Variants in CCDC7 observed in about 807,000 individuals in gnomAD.
The protein encoded by CCDC7 is coiled-coil domain-containing protein 7.
CCDC7 carries 183 observed loss-of-function variants against 196.9 expected under a neutral mutation model. The ratio of observed to expected loss-of-function variants is 0.93; its 90% confidence interval spans 0.82 to 1.05. CCDC7 has a LOEUF of 1.05. CCDC7 is among the 50% of genes least tolerant of loss of function. CCDC7 has a pLI of 0.00. For missense variants in CCDC7, 1,540 were observed against 1,482.2 expected (o/e 1.04, Z -0.64); for synonymous variants, 525 against 484.6 (o/e 1.08, Z -1.10).
At chr10:32,546,520 G>A (rs778079029) in intron 13 of CCDC7, among the ~76,000 whole-genome samples, 7 of 152,074 alleles carry the variant, frequency 4.6e-5, no homozygotes, top group Non-Finnish European at 1.0e-4. Flanking sequence ...TGAATGGCTC[G>A]AGTTAAGTGT....
intron 2 of CCDC7, 150 bp from the exon 4 acceptor site, chr10:32,456,101 C>A: frequency 1.5e-6 from 1 of 674,834 alleles, no homozygotes. Context: ...GCTAGTATGG[C>A]ATTTGAAGCA....
chr10:32,736,038 T>C (rs559920835), intron 28 of CCDC7, among the ~76,000 whole-genome samples: 11 of 152,338 alleles, frequency 7.2e-5, no homozygotes, highest in East Asian at 1.9e-4. Context: ...GTTTCATCAA[T>C]AGCATACTGT....
chr10:32,490,755 G>A (rs543161239), intron 8 of CCDC7, among the ~76,000 whole-genome samples: 233 of 151,858 alleles, frequency 1.5e-3, no homozygotes, highest in African/African-American at 5.3e-3. Flanking sequence ...CTGAGATCGC[G>A]CCACTGCACT....
At chr10:32,585,096 CAG>C (rs1047287830) in intron 18 of CCDC7, among the ~76,000 whole-genome samples, 7 of 147,896 alleles carry the variant, frequency 4.7e-5, no homozygotes, top group African/African-American at 1.2e-4. Flanking sequence ...TTTTTTGAGA[CAG>C]AGTCTTGCTC....
intron 13 of CCDC7, among the ~76,000 whole-genome samples, chr10:32,555,740 G>T (rs764034213): frequency 9.2e-5 from 14 of 152,136 alleles, no homozygotes; most frequent in Non-Finnish European, 1.3e-4. Flanking sequence ...CTACTGCTAG[G>T]TATACCAATT....
chr10:32,492,875 G>A (rs530389711), intron 9 of CCDC7, among the ~76,000 whole-genome samples: 1 of 152,106 alleles, frequency 6.6e-6, no homozygotes, highest in South Asian at 2.1e-4. Context: ...TAAAAGTTGC[G>A]ATGATACAAA....
At chr10:32,585,854 T>G (rs894171361) in intron 18 of CCDC7, among the ~76,000 whole-genome samples, 1 of 152,150 alleles carries the variant, frequency 6.6e-6, no homozygotes, top group Non-Finnish European at 1.5e-5. Flanking sequence ...TGTGTCTTTA[T>G]AGTAAAATGA....
At chr10:32,791,394 T>A (rs1312065805) in intron 29 of CCDC7, among the ~76,000 whole-genome samples, 1 of 151,804 alleles carries the variant, frequency 6.6e-6, no homozygotes, top group Non-Finnish European at 1.5e-5. Context: ...GAAACAGAAA[T>A]TTCCTGAAAA....
chr10:32,536,232 C>G (rs2050474016), intron 11 of CCDC7, among the ~76,000 whole-genome samples: 3 of 152,166 alleles, frequency 2.0e-5, no homozygotes, highest in Admixed American at 1.3e-4. Flanking sequence ...TTTCTCCCTT[C>G]CAGGAAGAAA....
At chr10:32,537,259 T>G (rs1465313476) in intron 11 of CCDC7, among the ~76,000 whole-genome samples, 1 of 152,222 alleles carries the variant, frequency 6.6e-6, no homozygotes, top group Non-Finnish European at 1.5e-5. Flanking sequence ...TTACTGATGT[T>G]GTGCATTTTT....
At chr10:32,748,445 C>A (rs910213509) in intron 28 of CCDC7, among the ~76,000 whole-genome samples, 1 of 152,186 alleles carries the variant, frequency 6.6e-6, no homozygotes, top group Non-Finnish European at 1.5e-5. Flanking sequence ...ATTCCAACAT[C>A]CCTGTTGTAT....
intron 18 of CCDC7, among the ~76,000 whole-genome samples, chr10:32,633,696 A>ATGTGTGTGTGTG (rs1554928040): frequency 2.2e-5 from 3 of 135,160 alleles, no homozygotes; most frequent in African/African-American, 8.4e-5. Flanking sequence ...ATATATATAT[A>ATGTGTGTGTGTG]TGTGTGTGTG....
At chr10:32,794,686 C>A (rs2083264278) in intron 29 of CCDC7, among the ~76,000 whole-genome samples, 1 of 152,036 alleles carries the variant, frequency 6.6e-6, no homozygotes, top group Admixed American at 6.6e-5. Context: ...TGATAATGAG[C>A]AATTTTTCAT....
At chr10:32,864,499 TAC>T (rs1456174104) in intron 41 of CCDC7, among the ~76,000 whole-genome samples, 2 of 151,316 alleles carry the variant, frequency 1.3e-5, no homozygotes, top group African/African-American at 2.4e-5. Flanking sequence ...TATATATATA[TAC>T]ACACACATAT....
Position 32,594,479 on chromosome 10 carries a change from A to G in CCDC7, c.1801+10175A>G, listed in dbSNP as rs897453991. ...GACGATGGGGTTTTCTAAATATACA[A>G]TCATGTCATCTGCAAACAGGGGCAA... On this transcript the variant is annotated intron_variant, in intron 18 of 41. Transcript: ENST00000639629. Among the ~76,000 whole-genome samples the G allele has an allele frequency of 4.6e-5, 7 of 152,210 alleles. No homozygotes were observed. In the East Asian group the frequency reaches 5.8e-4, roughly 13 times the overall value.
chr10:32,706,481 G>C, intron 24 of CCDC7, among the ~76,000 whole-genome samples: 1 of 152,102 alleles, frequency 6.6e-6, no homozygotes, highest in Non-Finnish European at 1.5e-5. Context: ...GAGCAGAATT[G>C]AAGGAGATAG....
At chr10:32,858,895 C>T (rs1366479527) in intron 41 of CCDC7, among the ~76,000 whole-genome samples, 1 of 152,116 alleles carries the variant, frequency 6.6e-6, no homozygotes, top group Non-Finnish European at 1.5e-5. Context: ...GCATCCAATA[C>T]AGGAGCACCC....
chr10:32,724,602 C>T (rs1344420353), intron 25 of CCDC7, among the ~76,000 whole-genome samples: 7 of 152,052 alleles, frequency 4.6e-5, no homozygotes, highest in Admixed American at 4.6e-4. Flanking sequence ...AAATGAAAAG[C>T]TCTTGCCATT....
At chr10:32,653,963 T>C (rs1236308068) in intron 20 of CCDC7, among the ~76,000 whole-genome samples, 1 of 152,222 alleles carries the variant, frequency 6.6e-6, no homozygotes, top group Non-Finnish European at 1.5e-5. Flanking sequence ...TGTATGTTGG[T>C]ACACTTGGAT....
Sources: allele counts gnomAD v4.1 joint callset (sites outside exome capture counted in the v4.1 genomes callset), GRCh38; gene constraint gnomAD v4.1.1; transcripts MANE v1.5; gene names NCBI Gene and HGNC (gene_info 2026-07-23, HGNC 2026-07-21).